Variants in TANC2 observed in about 807,000 individuals in gnomAD.
TANC2 encodes the protein protein TANC2.
TANC2 carries 26 observed loss-of-function variants against 210.5 expected under a neutral mutation model. The ratio of observed to expected loss-of-function variants is 0.12; its 90% confidence interval spans 0.09 to 0.17. The LOEUF (loss-of-function observed/expected upper bound fraction) is 0.17. TANC2 is among the 10% of genes least tolerant of loss of function. TANC2 has a pLI of 1.00. For missense variants in TANC2, 2,129 were observed against 2,608.9 expected (o/e 0.82, Z 4.01); for synonymous variants, 931 against 967.1 (o/e 0.96, Z 0.69).
intron 9 of TANC2, among the ~76,000 whole-genome samples, chr17:63,280,718 A>G (rs916245618): frequency 2.0e-5 from 3 of 152,050 alleles, no homozygotes; most frequent in African/African-American, 7.2e-5. Flanking sequence ...GGTTAGAAAA[A>G]TTGCTAGGTA....
At position 63,136,362 on chromosome 17, in the gene TANC2, G is replaced by A. The variant is rs572886267; in HGVS notation, c.323-14908G>A. Among the ~76,000 whole-genome samples the A allele has an allele frequency of 8.5e-5, 13 of 152,252 alleles. No homozygotes were observed. The South Asian group carries it at 2.7e-3, about 32-fold the overall frequency. ...ATAATTGCATGAAAATAGAACTTAT[G>A]TAGAAGGAACATACTTATTCTGAGT... is the stretch of plus-strand genomic sequence containing the variant. On this transcript the variant is annotated intron_variant, in intron 4 of 27. Transcript: ENST00000689528.
Position 63,418,561 on chromosome 17 carries a change from C to T in TANC2, c.4268+154C>T, listed in dbSNP as rs2048935104. On this transcript the variant is annotated intron_variant, in intron 27 of 27. Coordinates refer to ENST00000689528, the Ensembl canonical transcript of TANC2. This position sits in a 1 kb window ranked among gnomAD's most constrained non-coding sequence, Gnocchi z 4.6. ...TTTGGGGATGGCTCCCATAGCACAGCCCTCAGCTCAAGATCAGCAAATCTG... is the reference window on the plus strand; with the variant it reads ...TTTGGGGATGGCTCCCATAGCACAGTCCTCAGCTCAAGATCAGCAAATCTG... Among the ~76,000 whole-genome samples, 1 of 152,204 alleles carries T rather than the reference C, an allele frequency of 6.6e-6. No individual in the cohort carries two copies. Among genetic ancestry groups the T allele is most frequent in the Admixed American group, 6.5e-5 (1 of 15,284 alleles).
At chr17:63,144,535 T>C (rs2039400477) in intron 4 of TANC2, among the ~76,000 whole-genome samples, 1 of 152,202 alleles carries the variant, frequency 6.6e-6, no homozygotes, top group African/African-American at 2.4e-5. Context: ...TTCCAATTAT[T>C]TGACACTTCA....
chr17:63,420,240 G>T lies in TANC2; in HGVS notation c.4510G>T (p.Val1504Phe), dbSNP rs761240342. 3.1e-6 allele frequency: 5 copies of T among 1,613,346 alleles called. No homozygotes were observed. Among genetic ancestry groups the T allele is most frequent in the Non-Finnish European group, 4.2e-6 (5 of 1,179,646 alleles). The change falls in exon 28 of 28, where the codon GTT becomes TTT. Residue 1504 changes from valine to phenylalanine, a missense_variant. Transcript: ENST00000689528. This position sits in a 1 kb window ranked among gnomAD's most constrained non-coding sequence, Gnocchi z 4.2. Reference sequence around the variant, plus strand: ...CGAGGAGGAGTACCTGGAACAGGATGTTGAAAATGTTTCCATTGGCCTCCA... The same window carrying T: ...CGAGGAGGAGTACCTGGAACAGGATTTTGAAAATGTTTCCATTGGCCTCCA...
intron 9 of TANC2, among the ~76,000 whole-genome samples, chr17:63,307,226 A>G (rs1158743592): frequency 6.6e-6 from 1 of 152,188 alleles, no homozygotes; most frequent in Non-Finnish European, 1.5e-5. Flanking sequence ...TGGTCCTTTT[A>G]TCATCAGACA....
intron 11 of TANC2, among the ~76,000 whole-genome samples, chr17:63,327,779 T>G (rs1038296238): frequency 4.6e-5 from 7 of 151,952 alleles, no homozygotes; most frequent in Non-Finnish European, 1.5e-5. Context: ...TCATTCATGG[T>G]TTTTTTTATT....
intron 2 of TANC2, among the ~76,000 whole-genome samples, chr17:63,042,251 T>C (rs2035217357): frequency 6.6e-6 from 1 of 152,070 alleles, no homozygotes; most frequent in Admixed American, 6.6e-5. Context: ...TGAGCAGGAA[T>C]GAGCATTTAC....
intron 4 of TANC2, among the ~76,000 whole-genome samples, chr17:63,128,501 G>A (rs1295420515): frequency 6.6e-6 from 1 of 152,152 alleles, no homozygotes; most frequent in Non-Finnish European, 1.5e-5. Flanking sequence ...ACATTTTAGT[G>A]CAGTTTACAC....
intron 3 of TANC2, 59 bp downstream of exon 3, chr17:63,074,073 T>G (rs559971454): frequency 1.4e-5 from 20 of 1,397,658 alleles, no homozygotes; most frequent in Non-Finnish European, 1.9e-5. Context: ...TATTTCTTTC[T>G]AGTACTTAAT....
At chr17:63,184,057 C>T (rs915741723) in intron 5 of TANC2, among the ~76,000 whole-genome samples, 5 of 151,562 alleles carry the variant, frequency 3.3e-5, no homozygotes, top group African/African-American at 1.2e-4. Context: ...TGCAGTCTTT[C>T]CTGAGTGGGA....
At chr17:63,188,409 T>C (rs189004990) in intron 5 of TANC2, among the ~76,000 whole-genome samples, 3 of 151,820 alleles carry the variant, frequency 2.0e-5, no homozygotes, top group Admixed American at 2.0e-4. Flanking sequence ...CTGGCCAACA[T>C]GGTGAAACCC....
chr17:63,282,675 C>T (rs2044095570), intron 9 of TANC2, among the ~76,000 whole-genome samples: 1 of 152,012 alleles, frequency 6.6e-6, no homozygotes, highest in South Asian at 2.1e-4. Context: ...TCAGTTCCTC[C>T]CCATTCTTGT....
chr17:63,198,509 A>T (rs953693019), intron 6 of TANC2, among the ~76,000 whole-genome samples: 5 of 152,124 alleles, frequency 3.3e-5, no homozygotes, highest in Non-Finnish European at 5.9e-5. Context: ...AACTTTTGCA[A>T]TATGGAATGA....
chr17:63,360,132 T>C (rs1222340747), intron 14 of TANC2, among the ~76,000 whole-genome samples: 2 of 152,170 alleles, frequency 1.3e-5, no homozygotes, highest in Non-Finnish European at 1.5e-5. Context: ...ATAGAATAGA[T>C]GGGGTTGAAA....
In TANC2 at chr17:63,315,150, T is replaced by C. The variant is rs560482994; in HGVS notation, c.1441+481T>C. Among the ~76,000 whole-genome samples, 3 of 152,280 alleles carry C rather than the reference T, an allele frequency of 2.0e-5. No individual in the cohort carries two copies. The East Asian group carries it at 5.8e-4, about 29-fold the overall frequency. On this transcript the variant is annotated intron_variant, in intron 10 of 27. Coordinates refer to ENST00000689528, the Ensembl canonical transcript of TANC2. ...TCTCTCCTGCTTCCTTGTGAAAAGG[T>C]GCTGAGCTCTCATATGTATTCAGGC...
intron 9 of TANC2, among the ~76,000 whole-genome samples, chr17:63,300,657 T>C (rs186268093): frequency 3.3e-4 from 51 of 152,312 alleles, no homozygotes; most frequent in Admixed American, 1.2e-3. Context: ...TGAAGTTGCT[T>C]ATCAGCTTAA....
At chr17:63,056,229 AT>A (rs11332954) in intron 2 of TANC2, among the ~76,000 whole-genome samples, 88,232 of 146,580 alleles carry the variant, frequency 0.6, 29,020 homozygotes, top group African/African-American at 0.87. Flanking sequence ...GATTTTAATT[AT>A]TTTTTTTAAA....
At chr17:63,105,839 G>A (rs1035073699) in intron 4 of TANC2, among the ~76,000 whole-genome samples, 1 of 151,288 alleles carries the variant, frequency 6.6e-6, no homozygotes, top group Non-Finnish European at 1.5e-5. Context: ...TGCAATTTTA[G>A]GATAAACATT....
chr17:63,002,689 AT>A (rs1041418724), intron 1 of TANC2, among the ~76,000 whole-genome samples: 1 of 152,084 alleles, frequency 6.6e-6, no homozygotes, highest in African/African-American at 2.4e-5. Context: ...CATTATTCTG[AT>A]TTTTTTGGCA....
Sources: gnomAD v4.1 joint callset for allele counts (sites outside exome capture counted in the v4.1 genomes callset) on GRCh38, gnomAD v4.1.1 for gene constraint, Gnocchi (gnomAD v3.1) non-coding constraint, MANE v1.5 for transcripts, NCBI Gene and HGNC (gene_info 2026-07-23, HGNC 2026-07-21) for gene names.